ARHGEF3: variants seen among roughly 807,000 people sequenced by gnomAD.
ARHGEF3 encodes 59.8 kDA protein.
ARHGEF3 carries 28 observed loss-of-function variants against 63.2 expected under a neutral mutation model. The ratio of observed to expected loss-of-function variants is 0.44; its 90% CI spans 0.33 to 0.61. The LOEUF (loss-of-function observed/expected upper bound fraction) is 0.61. Ranked by LOEUF, ARHGEF3 falls within the 20% of genes least tolerant of loss-of-function variation. The pLI, the probability that ARHGEF3 is intolerant of heterozygous loss-of-function variation, is 0.03. For missense variants in ARHGEF3, 533 were observed against 659.3 expected, an observed-to-expected ratio of 0.81 and a Z score of 2.10; for synonymous variants, 266 against 254.2, an observed-to-expected ratio of 1.05 and a Z score of -0.44.
At chr3:57,067,622 G>T (rs1246901431) in intron 1 of ARHGEF3, among the ~76,000 whole-genome samples, 1 of 151,022 alleles carries the variant, frequency 6.6e-6, no homozygotes, top group African/African-American at 2.4e-5. Flanking sequence ...ATCACATGAG[G>T]CCAGGAGTTT....
At chr3:56,843,668 ATATTCCATG>A (rs1374675615) in intron 4 of ARHGEF3, among the ~76,000 whole-genome samples, 2 of 152,202 alleles carry the variant, frequency 1.3e-5, no homozygotes, top group Non-Finnish European at 2.9e-5. Context: ...ATGCTGCGTT[ATATTCCATG>A]TATTCCATAG....
At position 56,755,082 on chromosome 3, in the gene ARHGEF3, C is replaced by T. The variant is rs768543223; in HGVS notation, c.274G>A (p.Ala92Thr). 1.2e-5 allele frequency: 20 copies of T among 1,613,856 alleles called. 1 individual carries two copies. In the Admixed American group the frequency reaches 2.7e-4, roughly 22 times the overall value. ...TCTCTCCGTTTCGTGCTCGAGGGGG[C>T]GGCATTTCTGGACCAGGGTCGGGGG... The part of the protein sequence containing the change: ...LAPRPWSRNA[A>T]PSSTKRRDSK... The change falls in exon 3 of 10, where the codon GCC becomes ACC. Residue 92 changes from alanine to threonine, a missense_variant. By Grantham distance (58) the Ala-to-Thr change is moderately conservative (BLOSUM62 0). Coordinates refer to ENST00000296315, the MANE Select transcript of ARHGEF3 (RefSeq NM_019555.3).
chr3:56,742,211 G>T (rs1030058237), intron 7 of ARHGEF3, among the ~76,000 whole-genome samples: 1 of 151,958 alleles, frequency 6.6e-6, no homozygotes, highest in Non-Finnish European at 1.5e-5. Context: ...ATAGTGGTGA[G>T]GTGGGGGGAA....
chr3:56,999,265 G>T (rs563053279), intron 2 of ARHGEF3, among the ~76,000 whole-genome samples: 30 of 152,102 alleles, frequency 2.0e-4, no homozygotes, highest in Non-Finnish European at 4.0e-4. Context: ...TGGCCAGACT[G>T]GTCTCGAACT....
intron 2 of ARHGEF3, chr3:57,007,344 A>C: frequency 1.6e-6 from 2 of 1,289,750 alleles, no homozygotes; most frequent in Non-Finnish European, 2.0e-6. Context: ...GCCCTGAAGG[A>C]AAGACAGCCA....
intron 3 of ARHGEF3, among the ~76,000 whole-genome samples, chr3:56,890,832 G>A (rs77588230): frequency 0.093 from 14,176 of 152,246 alleles, 828 homozygotes; most frequent in Non-Finnish European, 0.13. Flanking sequence ...CAGCAAAAAC[G>A]TACTGATTGA....
intron 7 of ARHGEF3, among the ~76,000 whole-genome samples, chr3:56,737,848 T>G (rs1291123551): frequency 1.3e-5 from 2 of 152,140 alleles, no homozygotes; most frequent in Non-Finnish European, 2.9e-5. Flanking sequence ...ATTTGCAGAT[T>G]GGGTTTGAAC....
rs116660925 is a variant in ARHGEF3 at position 56,784,321 on chromosome 3, G to A, written c.97-10505C>T. Among the ~76,000 whole-genome samples, 975 of 152,320 alleles carry A rather than the reference G, an allele frequency of 6.4e-3. 16 individuals carry two copies. The highest frequency in any genetic ancestry group is 0.023 in the African/African-American group (936 of 41,562). On this transcript the variant is annotated intron_variant, in intron 1 of 9. Transcript: ENST00000296315. ...ATGCATTTTTGGCAAGAATGCCACA[G>A]AAATAACGTGCCTATAATGCCACAC...
At chr3:56,997,311 G>A (rs1702032896) in intron 2 of ARHGEF3, among the ~76,000 whole-genome samples, 1 of 152,118 alleles carries the variant, frequency 6.6e-6, no homozygotes, top group Non-Finnish European at 1.5e-5. Context: ...CCACTCACAT[G>A]CCCTGTGGGG....
intron 4 of ARHGEF3, among the ~76,000 whole-genome samples, chr3:56,881,057 T>C (rs954117650): frequency 9.2e-5 from 14 of 152,188 alleles, no homozygotes; most frequent in Non-Finnish European, 4.4e-5. Context: ...TTCACATTGG[T>C]AAATAATGTT....
chr3:56,938,560 A>C (rs1308371536), intron 3 of ARHGEF3: 1 of 152,250 alleles, frequency 6.6e-6, no homozygotes, highest in African/African-American at 2.4e-5. Context: ...CTAAATATGC[A>C]TGAGACTTAC....
At chr3:56,815,517 A>G (rs2038235858) in intron 4 of ARHGEF3, among the ~76,000 whole-genome samples, 1 of 152,218 alleles carries the variant, frequency 6.6e-6, no homozygotes, top group African/African-American at 2.4e-5. Context: ...AGCTCAATGT[A>G]CTCATTTGTC....
intron 4 of ARHGEF3, among the ~76,000 whole-genome samples, chr3:56,850,003 C>T (rs1578671231): frequency 6.6e-6 from 1 of 152,114 alleles, no homozygotes; most frequent in African/African-American, 2.4e-5. Context: ...TTGTTTTATG[C>T]ATTTTCTGGG....
Position 57,000,310 on chromosome 3 carries a change from C to CCACA in ARHGEF3, c.62+34774_62+34777dup, listed in dbSNP as rs71076009. Among the ~76,000 whole-genome samples, 1,045 of 139,224 alleles carry CCACA rather than the reference C, an allele frequency of 7.5e-3. 10 individuals are homozygous for CCACA. The highest frequency in any genetic ancestry group is 0.051 in the Middle Eastern group (14 of 272). 91.3% of individuals were successfully genotyped at this position (139,224 alleles called of 152,430 possible). A position where few individuals can be genotyped will look rare whatever the true frequency, so the allele number is the denominator to read the frequency against. ...AAGTCCTTTTTTTAGAGGGTAACTC[C>CCACA]CACACACACACACACACACACACAC... On this transcript the variant is annotated intron_variant, in intron 2 of 12. Coordinates refer to the ARHGEF3 transcript ENST00000338458.
At chr3:56,748,072 G>T (rs1208110282) in intron 6 of ARHGEF3, among the ~76,000 whole-genome samples, 2 of 152,166 alleles carry the variant, frequency 1.3e-5, no homozygotes, top group African/African-American at 2.4e-5. Context: ...GTCTCCCTTT[G>T]TTGCTCAGGT....
chr3:56,779,418 T>C (rs1353726457), intron 1 of ARHGEF3, among the ~76,000 whole-genome samples: 1 of 152,164 alleles, frequency 6.6e-6, no homozygotes, highest in Non-Finnish European at 1.5e-5. Context: ...ACAAAATACA[T>C]GTCAAATGGT....
rs200376950 is a variant in ARHGEF3 at position 56,966,871 on chromosome 3, A to T, written c.63-7982T>A. On this transcript the variant is annotated intron_variant, in intron 2 of 12. Transcript: ENST00000338458. ...TTTAATTATTATTATTATTATTATT[A>T]TTTTTTATTGAGACAGAGTTTCACT... 6.0e-3 allele frequency among the ~76,000 whole-genome samples: 824 copies of T among 137,454 alleles called. 5 individuals are homozygous for T. Among genetic ancestry groups the T allele is most frequent in the African/African-American group, 0.017 (621 of 37,454 alleles). 90.2% of individuals were successfully genotyped at this position (137,454 alleles called of 152,430 possible). A position where few individuals can be genotyped will look rare whatever the true frequency, so the allele number is the denominator to read the frequency against.
At chr3:56,939,766 G>C (rs930402288) in intron 3 of ARHGEF3, 1 of 152,178 alleles carries the variant, frequency 6.6e-6, no homozygotes, top group Non-Finnish European at 1.5e-5. Flanking sequence ...CATGGAGTCA[G>C]ACAGGAAAAA....
chr3:56,811,034 G>A (rs1375508272), intron 4 of ARHGEF3, among the ~76,000 whole-genome samples: 1 of 152,150 alleles, frequency 6.6e-6, no homozygotes, highest in African/African-American at 2.4e-5. Flanking sequence ...TGGGAATAAG[G>A]AGCCTCTTAA....
Sources: gnomAD v4.1 joint callset for allele counts (sites outside exome capture counted in the v4.1 genomes callset) on GRCh38, gnomAD v4.1.1 for gene constraint, MANE v1.5 for transcripts, NCBI Gene and HGNC (gene_info 2026-07-23, HGNC 2026-07-21) for gene names.